LAMB1: variants seen among roughly 807,000 people sequenced by gnomAD.
The protein encoded by LAMB1 is laminin subunit beta 1.
Under a neutral mutation model 222.3 loss-of-function variants are expected in LAMB1, and 121 were observed. That is an observed-to-expected ratio of 0.54 (90% CI 0.47 to 0.63). The LOEUF is 0.63. LAMB1 is among the 30% of genes least tolerant of loss of function. The pLI, the probability that LAMB1 is intolerant of heterozygous loss-of-function variation, is 0.00. For missense variants in LAMB1, 2,172 were observed against 2,240.8 expected (o/e 0.97, Z 0.62); for synonymous variants, 794 against 807.2 (o/e 0.98, Z 0.28).
At chr7:107,952,797 G>T (rs2033286556) in intron 22 of LAMB1, among the ~76,000 whole-genome samples, 1 of 152,194 alleles carries the variant, frequency 6.6e-6, no homozygotes, top group African/African-American at 2.4e-5. Flanking sequence ...AAAGAGAGAT[G>T]TTAGAGATGC....
At position 108,003,127 on chromosome 7, in the gene LAMB1, T is replaced by G. The variant is rs1584550591; in HGVS notation, c.-103A>C. On this transcript the variant is annotated 5_prime_UTR_variant, in exon 1 of 34. Transcript: ENST00000222399. ...TCTCCTCACCCGGCGACGCGAGCTC[T>G]CGCCCTGCTCCGGGAGCCCCCGAGC... 5.1e-6 allele frequency: 4 copies of G among 780,966 alleles called. No individual in the cohort carries two copies. Among genetic ancestry groups the G allele is most frequent in the Non-Finnish European group, 7.7e-6 (4 of 522,842 alleles). The allele number at this position is 780,966 out of a possible 1,614,324, so 48.4% of individuals were successfully genotyped here. A position where few individuals can be genotyped will look rare whatever the true frequency, so the allele number is the denominator to read the frequency against.
At chr7:107,986,909 C>A (rs1483818503) in intron 5 of LAMB1, among the ~76,000 whole-genome samples, 1 of 152,182 alleles carries the variant, frequency 6.6e-6, no homozygotes, top group Non-Finnish European at 1.5e-5. Context: ...AAATTAATAA[C>A]TCAAGAAGCT....
At chr7:107,936,751 A>T (rs1028486842) in intron 26 of LAMB1, among the ~76,000 whole-genome samples, 2 of 152,192 alleles carry the variant, frequency 1.3e-5, no homozygotes, top group Non-Finnish European at 2.9e-5. Flanking sequence ...TTGCAGAAGT[A>T]TTAATACCTT....
At chr7:107,973,092 C>T in intron 12 of LAMB1, 21 bp from the exon 13 acceptor site, 1 of 1,601,478 alleles carries the variant, frequency 6.2e-7, no homozygotes, top group South Asian at 1.1e-5. Context: ...AAACGTGAAA[C>T]ATGTAACGGT....
intron 9 of LAMB1, among the ~76,000 whole-genome samples, chr7:107,977,359 A>G (rs1158254299): frequency 2.0e-5 from 3 of 152,138 alleles, no homozygotes; most frequent in African/African-American, 7.2e-5. Flanking sequence ...CCTGAGATGG[A>G]TGGAGGGAGG....
chr7:107,997,714 A>G (rs2150455404), intron 4 of LAMB1, among the ~76,000 whole-genome samples: 1 of 152,312 alleles, frequency 6.6e-6, no homozygotes, highest in East Asian at 1.9e-4. Flanking sequence ...TTTGAAACAA[A>G]TGTGAAACTC....
intron 29 of LAMB1, 85 bp from the exon 30 acceptor site, chr7:107,929,704 G>T: frequency 9.6e-7 from 1 of 1,046,626 alleles, no homozygotes; most frequent in Non-Finnish European, 1.5e-6. Context: ...ATCTACTATG[G>T]ACTAGCATGG....
At position 107,992,438 on chromosome 7, in the gene LAMB1, G is replaced by A. The variant is rs563176510; in HGVS notation, c.423+2449C>T. On this transcript the variant is annotated intron_variant, in intron 5 of 33. Coordinates refer to ENST00000222399, the MANE Select transcript of LAMB1 (RefSeq NM_002291.3). ...ACAATTTCCCATAAGGCTTAAAGTA[G>A]GGTAGTTTCTTACAAACAGAAGATG... Among the ~76,000 whole-genome samples the A allele has an allele frequency of 1.4e-3, 218 of 152,320 alleles. 1 individual carries two copies. The highest frequency in any genetic ancestry group is 2.5e-3 in the Non-Finnish European group (167 of 68,038).
intron 14 of LAMB1, among the ~76,000 whole-genome samples, chr7:107,963,633 T>G (rs1279054945): frequency 6.6e-6 from 1 of 152,256 alleles, no homozygotes; most frequent in Non-Finnish European, 1.5e-5. Flanking sequence ...TGTATCTGTA[T>G]GTACCCGTGT....
chr7:107,972,191 G>T (rs2033763138), intron 13 of LAMB1, among the ~76,000 whole-genome samples: 1 of 152,166 alleles, frequency 6.6e-6, no homozygotes, highest in South Asian at 2.1e-4. Context: ...AACACAACAT[G>T]TTCTTGCTGC....
At chr7:107,994,130 C>T (rs991921883) in intron 5 of LAMB1, among the ~76,000 whole-genome samples, 1 of 152,180 alleles carries the variant, frequency 6.6e-6, no homozygotes, top group African/African-American at 2.4e-5. Context: ...ATCTGAGAAG[C>T]AATAACTAAA....
At chr7:107,932,428 C>A (rs1305983511) in intron 27 of LAMB1, 51 bp from the exon 28 acceptor site, 1 of 1,579,010 alleles carries the variant, frequency 6.3e-7, no homozygotes. Flanking sequence ...GAATCTGCTG[C>A]AGCAAAACAG....
chr7:107,926,027 C>T (rs185681441), intron 32 of LAMB1, among the ~76,000 whole-genome samples, 156 bp downstream of exon 32: 1 of 152,218 alleles, frequency 6.6e-6, no homozygotes, highest in East Asian at 1.9e-4. Context: ...TCTTTCCCAT[C>T]CACACTTCTA....
intron 24 of LAMB1, among the ~76,000 whole-genome samples, chr7:107,946,576 G>T (rs1482462949): frequency 6.6e-6 from 1 of 152,260 alleles, no homozygotes; most frequent in Non-Finnish European, 1.5e-5. Context: ...CAGGGGGCTG[G>T]ATTTGGCCTC....
In LAMB1 at chr7:107,937,102, C is replaced by G; in HGVS notation, c.3937G>C (p.Asp1313His). The change falls in exon 26 of 34, where the codon GAT becomes CAT. Residue 1313 changes from aspartate to histidine, a missense_variant. Physicochemically the swap from Asp to His is moderately conservative, Grantham distance 81 (BLOSUM62 -1). Coordinates refer to ENST00000222399, the MANE Select transcript of LAMB1 (RefSeq NM_002291.3). ...ACCAAAAAATGCTCACCCCGAATATCTGAGTTTTTGATAAATTCCAGTTGT... is the reference window on the plus strand; with the variant it reads ...ACCAAAAAATGCTCACCCCGAATATGTGAGTTTTTGATAAATTCCAGTTGT... ...AEQLEFIKNS[D>H]IRGALDSITK... 6.2e-7 allele frequency: 1 copy of G among 1,613,668 alleles called. No individual in the cohort carries two copies. Among genetic ancestry groups the G allele is most frequent in the South Asian group, 1.1e-5 (1 of 90,962 alleles).
intron 7 of LAMB1, among the ~76,000 whole-genome samples, chr7:107,984,356 C>A (rs1229694374): frequency 6.6e-6 from 1 of 152,192 alleles, no homozygotes; most frequent in Non-Finnish European, 1.5e-5. Flanking sequence ...TCAAGCGATT[C>A]TCCTGCCTCA....
chr7:107,926,766 G>A (rs2116310999), intron 31 of LAMB1, among the ~76,000 whole-genome samples: 1 of 152,344 alleles, frequency 6.6e-6, no homozygotes. Context: ...CTTAATGTGA[G>A]TGGGAAAATA....
intron 13 of LAMB1, 79 bp from the exon 14 acceptor site, chr7:107,964,766 AT>A: frequency 6.6e-7 from 1 of 1,510,604 alleles, no homozygotes; most frequent in Non-Finnish European, 9.1e-7. Context: ...TACAGCTGCC[AT>A]TACTCAGTAC....
chr7:107,941,255 T>G (rs932753443), intron 24 of LAMB1, among the ~76,000 whole-genome samples: 2 of 152,222 alleles, frequency 1.3e-5, no homozygotes, highest in Non-Finnish European at 2.9e-5. Context: ...TGGCTTAGAT[T>G]CCCAAATTTC....
Sources: allele counts gnomAD v4.1 joint callset (sites outside exome capture counted in the v4.1 genomes callset), GRCh38; gene constraint gnomAD v4.1.1; transcripts MANE v1.5; gene names NCBI Gene and HGNC (gene_info 2026-07-23, HGNC 2026-07-21).